The following ELN variants were observed in gnomAD, a reference collection of about 807,000 sequenced individuals.
ELN encodes the protein elastin.
In ELN, 65 loss-of-function variants were observed where a neutral mutation model predicts 105.8. The ratio of observed to expected loss-of-function variants is 0.61; its 90% CI spans 0.50 to 0.75. The LOEUF (loss-of-function observed/expected upper bound fraction) is 0.75, where lower values mean the gene tolerates loss of function less well. ELN is among the 30% of genes least tolerant of loss of function. The probability of loss-of-function intolerance (pLI) is 0.00; values close to 1 mark genes in which losing one functional copy is unlikely to be tolerated. For missense variants in ELN, 882 were observed against 969.4 expected (o/e 0.91, Z 1.20); for synonymous variants, 368 against 389.2 (o/e 0.95, Z 0.64).
chr7:74,049,703 T>C (rs187535682), intron 15 of ELN, among the ~76,000 whole-genome samples: 1 of 150,420 alleles, frequency 6.6e-6, no homozygotes, highest in East Asian at 2.0e-4. Flanking sequence ...CATCCATCCA[T>C]CCACCCATCA....
intron 31 of ELN, 96 bp downstream of exon 31, chr7:74,066,093 C>T (rs1466800378): frequency 1.9e-6 from 3 of 1,558,880 alleles, no homozygotes; most frequent in African/African-American, 1.4e-5. Context: ...AGCCCATGTC[C>T]ACACAAGGAC....
intron 8 of ELN, chr7:74,043,552 G>A: frequency 1.5e-6 from 1 of 660,676 alleles, no homozygotes. Context: ...AAGCCCTTTA[G>A]GAAGTGACTT....
In ELN at chr7:74,063,381, G is replaced by T. The variant is rs1383551173; in HGVS notation, c.1918+12G>T. 1.3e-6 allele frequency: 2 copies of T among 1,545,120 alleles called. No individual in the cohort carries two copies. Among genetic ancestry groups the T allele is most frequent in the South Asian group, 2.4e-5 (2 of 84,230 alleles). On this transcript the variant is annotated intron_variant, in intron 28 of 32. Coordinates refer to ENST00000252034, the MANE Select transcript of ELN (RefSeq NM_000501.4). The surrounding 1 kb of genome is among the most constrained non-coding windows in gnomAD (Gnocchi z 4.1). ...AGCCGCCCAGTTTGGTGAGCACTGG[G>T]TGGAGGTGGGAGCTGCCGCCAGGCC...
chr7:74,039,869 G>A (rs4717865), intron 4 of ELN, among the ~76,000 whole-genome samples: 14,548 of 152,276 alleles, frequency 0.096, 1,345 homozygotes, highest in East Asian at 0.39. Flanking sequence ...TTGTGCTCAT[G>A]GAGGCTGGGT....
At chr7:74,045,071 A>G (rs1436656829) in intron 9 of ELN, 151 bp from the exon 10 acceptor site, 3 of 792,076 alleles carry the variant, frequency 3.8e-6, no homozygotes, top group Non-Finnish European at 6.5e-6. Context: ...TCAGCACTAA[A>G]CAGGTCCTTT....
At chr7:74,060,694 C>T in intron 25 of ELN, 193 bp downstream of exon 25, 1 of 1,448,846 alleles carries the variant, frequency 6.9e-7, no homozygotes, top group Non-Finnish European at 9.4e-7. Context: ...CCCAGGCTGC[C>T]CAATTGCAGA....
At position 74,045,327 on chromosome 7, in the gene ELN, G is replaced by A. The variant is rs1489207706; in HGVS notation, c.541+34G>A. On this transcript the variant is annotated intron_variant, in intron 10 of 32. Coordinates refer to ENST00000252034, the MANE Select transcript of ELN (RefSeq NM_000501.4). ...CTGTCTGGACAGAGGGCTGATGGCA[G>A]GGACTCTCCAACCACCTTCTGGCCC... is the stretch of plus-strand genomic sequence containing the variant. 3.1e-6 allele frequency: 5 copies of A among 1,612,296 alleles called. No individual in the cohort carries two copies. The East Asian group carries it at 1.1e-4, about 36-fold the overall frequency.
chr7:74,049,393 T>C (rs1554674569), intron 15 of ELN, among the ~76,000 whole-genome samples: 1 of 150,380 alleles, frequency 6.6e-6, no homozygotes, highest in Non-Finnish European at 1.5e-5. Flanking sequence ...CATGCATCCA[T>C]CCATCTATGC....
Position 74,048,519 on chromosome 7 carries a change from A to T in ELN, c.762A>T (p.Ala254=). ...YPTGTGVGPQ[A]AAAAAAKAAA... is the part of the protein sequence containing the mutation. ...TTCCCCCAGGGGTTGGCCCCCAGGC[A>T]GCAGCAGCAGCGGCAGCTAAAGCAG... The change falls in exon 15 of 33, where the codon GCA becomes GCT. Residue 254 remains alanine, a synonymous_variant. Coordinates refer to ENST00000252034, the MANE Select transcript of ELN (RefSeq NM_000501.4). 1 of 1,613,902 alleles carries T rather than the reference A, an allele frequency of 6.2e-7. No individual in the cohort carries two copies. The highest frequency in any genetic ancestry group is 1.6e-4 in the Middle Eastern group (1 of 6,062).
At chr7:74,045,030 T>A (rs1248573613) in intron 9 of ELN, among the ~76,000 whole-genome samples, 192 bp from the exon 10 acceptor site, 1 of 152,202 alleles carries the variant, frequency 6.6e-6, no homozygotes, top group East Asian at 1.9e-4. Context: ...AACTCAGATC[T>A]TCTGACCTTG....
intron 4 of ELN, among the ~76,000 whole-genome samples, chr7:74,039,644 A>G (rs56343161): frequency 2.0e-5 from 3 of 152,242 alleles, no homozygotes; most frequent in Non-Finnish European, 4.4e-5. Flanking sequence ...CTGCACACCC[A>G]ACACCCTGAG....
At chr7:74,066,901 G>A (rs541086286) in intron 32 of ELN, 125 bp downstream of exon 32, 1 of 993,404 alleles carries the variant, frequency 1.0e-6, no homozygotes, top group East Asian at 2.6e-5. Context: ...CACAGCCTCA[G>A]GTCACACGAG....
At chr7:74,045,990 A>G in intron 10 of ELN, 198 bp from the exon 11 acceptor site, 1 of 666,902 alleles carries the variant, frequency 1.5e-6, no homozygotes. Flanking sequence ...AGTTGAGATC[A>G]CCCCATTCCA....
chr7:74,069,539 G>C lies in ELN; in HGVS notation c.*839G>C, dbSNP rs998938260. ...TGCCAGGCATCTCCTCCCCACCCGG[G>C]GTGTCCCCACATGCAGTACTGTATA... On this transcript the variant is annotated 3_prime_UTR_variant, in exon 33 of 33. Coordinates refer to ENST00000252034, the MANE Select transcript of ELN (RefSeq NM_000501.4). The C allele has an allele frequency of 1.3e-5, 3 of 234,194 alleles. No homozygotes were observed. Among genetic ancestry groups the C allele is most frequent in the Non-Finnish European group, 1.7e-5 (2 of 118,536 alleles). The allele number at this position is 234,194 out of a possible 1,614,324, so 14.5% of individuals were successfully genotyped here.
In ELN at chr7:74,043,237, C is replaced by A. The variant is rs1791661675; in HGVS notation, c.427+69C>A. 6 of 1,544,602 alleles carry A rather than the reference C, an allele frequency of 3.9e-6. No individual in the cohort carries two copies. In the Admixed American group the frequency reaches 1.2e-4, roughly 30 times the overall value. On this transcript the variant is annotated intron_variant, in intron 8 of 32. Transcript: ENST00000252034. Reference sequence around the variant, plus strand: ...GGGCAGAGGGCAGGGAGGAACAGAGCCCTCTCCATGCCACTGCACTTGGGG... The same window carrying A: ...GGGCAGAGGGCAGGGAGGAACAGAGACCTCTCCATGCCACTGCACTTGGGG...
intron 29 of ELN, among the ~76,000 whole-genome samples, chr7:74,065,203 C>G (rs960921508): frequency 6.6e-6 from 1 of 151,902 alleles, no homozygotes; most frequent in Non-Finnish European, 1.5e-5. Context: ...GAGCTGTGAT[C>G]AAGCCACTGC....
rs144026807 is a variant in ELN, at chr7:74,060,155, C to T, written c.1592C>T (p.Ala531Val). The T allele has an allele frequency of 1.8e-5, 29 of 1,614,054 alleles. No individual in the cohort carries two copies. In the African/African-American group the frequency reaches 3.6e-4, roughly 20 times the overall value. ...CCTCCCTCAGCTGCAGCAAAATCCGCTGCCAAGGTGGCTGCCAAAGCCCAG... is the reference window on the plus strand; with the variant it reads ...CCTCCCTCAGCTGCAGCAAAATCCGTTGCCAAGGTGGCTGCCAAAGCCCAG... ...PGGVAAAAKS[A>V]AKVAAKAQLR... Residue 531 changes from alanine to valine, a missense_variant, in exon 24 of 33, where the codon GCT becomes GTT. Coordinates refer to ENST00000252034, the MANE Select transcript of ELN (RefSeq NM_000501.4).
rs782499800 is a variant in ELN, at chr7:74,051,914, G to A, written c.890-10G>A. 3 of 1,614,078 alleles carry A rather than the reference G, an allele frequency of 1.9e-6. No individual in the cohort carries two copies. The highest frequency in any genetic ancestry group is 2.5e-6 in the Non-Finnish European group (3 of 1,180,024). ...GGCAAGGACCTCACCCTCTGTGGCT[G>A]TGTTTTCAGGCGTTGGGACTCCAGC... On this transcript the variant is annotated splice_polypyrimidine_tract_variant and intron_variant, in intron 16 of 32. Transcript: ENST00000252034.
chr7:74,053,032 T>G (rs1466316003), intron 17 of ELN, 131 bp from the exon 18 acceptor site: 1 of 1,316,034 alleles, frequency 7.6e-7, no homozygotes, highest in Non-Finnish European at 1.1e-6. Context: ...GTAGGATCCA[T>G]GCAGAGGAAA....
Sources: allele counts gnomAD v4.1 joint callset (sites outside exome capture counted in the v4.1 genomes callset), GRCh38; gene constraint gnomAD v4.1.1; non-coding constraint Gnocchi (gnomAD v3.1); transcripts MANE v1.5; gene names NCBI Gene and HGNC (gene_info 2026-07-23, HGNC 2026-07-21).